Variants in COL10A1 observed in about 807,000 individuals in gnomAD.
The protein encoded by COL10A1 is collagen alpha-1(X) chain.
Under a neutral mutation model 18.2 loss-of-function variants are expected in COL10A1, and 10 were observed. The observed-to-expected ratio is 0.55, with a 90% confidence interval of 0.34 to 0.93. The LOEUF (loss-of-function observed/expected upper bound fraction) is 0.93, where lower values mean the gene tolerates loss of function less well. Ranked by LOEUF, COL10A1 falls within the 40% of genes least tolerant of loss-of-function variation. The probability of loss-of-function intolerance (pLI) is 0.02; values close to 1 mark genes in which losing one functional copy is unlikely to be tolerated. For missense variants in COL10A1, 897 were observed against 853.5 expected, an observed-to-expected ratio of 1.05 and a Z score of -0.64; for synonymous variants, 330 against 316.6, an observed-to-expected ratio of 1.04 and a Z score of -0.45.
At chr6:116,215,495 T>C in the COL10A1 span, among the ~76,000 whole-genome samples, 1 of 152,106 alleles carries the variant, frequency 6.6e-6, no homozygotes, top group Non-Finnish European at 1.5e-5. Context: ...CCTTGTCGAC[T>C]TTACAGCCTG....
intron 1 of COL10A1, chr6:116,125,721 G>A: frequency 2.7e-6 from 1 of 376,314 alleles, no homozygotes; most frequent in South Asian, 3.3e-5. Context: ...GTAATCAAGT[G>A]AAAATAAAAT....
the COL10A1 span, among the ~76,000 whole-genome samples, chr6:116,200,572 G>C: frequency 6.6e-6 from 1 of 152,020 alleles, no homozygotes; most frequent in South Asian, 2.1e-4. Flanking sequence ...AAAAAGCATA[G>C]CTAAATAAAG....
At chr6:116,186,115 C>T in the COL10A1 span, among the ~76,000 whole-genome samples, 3 of 151,908 alleles carry the variant, frequency 2.0e-5, no homozygotes, top group East Asian at 5.8e-4. Context: ...CTGTGTCTTC[C>T]CTTCATTTAT....
the COL10A1 span, among the ~76,000 whole-genome samples, chr6:116,204,057 A>G: frequency 1.4e-4 from 21 of 151,876 alleles, no homozygotes; most frequent in Admixed American, 1.2e-3. Context: ...CCTCTGACCC[A>G]GCTCACTTTG....
chr6:116,204,179 T>C, the COL10A1 span, among the ~76,000 whole-genome samples: 1 of 151,952 alleles, frequency 6.6e-6, no homozygotes, highest in South Asian at 2.1e-4. Flanking sequence ...CTTCAGGAGT[T>C]AATACCACCG....
chr6:116,152,409 A>G (rs1194532604), intron 1 of COL10A1, among the ~76,000 whole-genome samples: 1 of 151,658 alleles, frequency 6.6e-6, no homozygotes, highest in African/African-American at 2.4e-5. Context: ...CAAAAATAAG[A>G]AAAAAAAATT....
chr6:116,142,548 A>G (rs987650975), intron 1 of COL10A1, among the ~76,000 whole-genome samples: 15 of 152,142 alleles, frequency 9.9e-5, no homozygotes, highest in Admixed American at 9.8e-4. Context: ...ATAAACATAT[A>G]CAGGAAAATA....
At chr6:116,137,420 C>A in intron 1 of COL10A1, 1 of 157,728 alleles carries the variant, frequency 6.3e-6, no homozygotes. Flanking sequence ...GTGCCAGCTT[C>A]AGAATCTTCT....
chr6:116,171,005 A>G, the COL10A1 span, among the ~76,000 whole-genome samples: 1 of 151,174 alleles, frequency 6.6e-6, no homozygotes, highest in Non-Finnish European at 1.5e-5. Context: ...GCCTGTTACC[A>G]CCCTACCACG....
Position 116,125,349 on chromosome 6 carries a change from T to C in COL10A1, c.144A>G (p.Ile48Met). 6.2e-7 allele frequency: 1 copy of C among 1,613,656 alleles called. No individual in the cohort carries two copies. Among genetic ancestry groups the C allele is most frequent in the Non-Finnish European group, 8.5e-7 (1 of 1,179,714 alleles). The change falls in exon 2 of 3, where the codon ATA becomes ATG. Residue 48 changes from isoleucine to methionine, a missense_variant. Transcript: ENST00000651968. Reference protein sequence around the residue: ...TKTQFFIPYTIKSKGIAVRGE... With the variant: ...TKTQFFIPYTMKSKGIAVRGE... The stretch of plus-strand genomic sequence containing the variant: ...TACAATTCAATTTACCTTTACTCTT[T>C]ATGGTGTAGGGAATGAAGAACTGTG...
At position 116,121,101 on chromosome 6, in the gene COL10A1, G is replaced by C. The variant is rs761027927; in HGVS notation, c.1015C>G (p.Pro339Ala). 2.2e-5 allele frequency: 35 copies of C among 1,613,866 alleles called. No homozygotes were observed. The highest frequency in any genetic ancestry group is 3.0e-5 in the Non-Finnish European group (35 of 1,179,900). ...GLPGKPGLTG[P>A]PGNMGPQGPK... Reference sequence around the variant, plus strand: ...CCTTGGGGTCCCATATTCCCAGGGGGTCCAGTCAGACCTGGCTTCCCAGGA... The same window carrying C: ...CCTTGGGGTCCCATATTCCCAGGGGCTCCAGTCAGACCTGGCTTCCCAGGA... Residue 339 changes from proline (P) to alanine (A), a missense_variant, in exon 3 of 3, where the codon CCC becomes GCC. Pro to Ala is a conservative substitution (Grantham distance 27). Coordinates refer to ENST00000651968, the MANE Select transcript of COL10A1 (RefSeq NM_000493.4).
At chr6:116,206,537 C>G in the COL10A1 span, among the ~76,000 whole-genome samples, 2 of 151,918 alleles carry the variant, frequency 1.3e-5, no homozygotes, top group Non-Finnish European at 2.9e-5. Flanking sequence ...TGTGTCTACT[C>G]TGGTACAGAA....
chr6:116,139,003 T>C (rs1779695726), intron 1 of COL10A1, among the ~76,000 whole-genome samples: 1 of 152,136 alleles, frequency 6.6e-6, no homozygotes, highest in Non-Finnish European at 1.5e-5. Flanking sequence ...TTTTTCAGAT[T>C]AATTTAGTAA....
intron 1 of COL10A1, among the ~76,000 whole-genome samples, chr6:116,154,903 G>A (rs1780145662): frequency 2.6e-5 from 4 of 151,922 alleles, no homozygotes; most frequent in Admixed American, 2.6e-4. Context: ...TTCTTCATAA[G>A]ATAAAAATAA....
the COL10A1 span, among the ~76,000 whole-genome samples, chr6:116,214,117 G>T: frequency 6.6e-6 from 1 of 152,002 alleles, no homozygotes; most frequent in Non-Finnish European, 1.5e-5. Context: ...GATACTGTAA[G>T]TGGCAAACCA....
chr6:116,121,408 A>G lies in COL10A1; in HGVS notation c.708T>C (p.Asp236=), dbSNP rs768444506. The G allele has an allele frequency of 1.2e-6, 2 of 1,613,726 alleles. No homozygotes were observed. The highest frequency in any genetic ancestry group is 1.1e-5 in the South Asian group (1 of 91,050). The change falls in exon 3 of 3, where the codon GAT becomes GAC. Residue 236 remains aspartate (D), a synonymous_variant. Coordinates refer to ENST00000651968, the MANE Select transcript of COL10A1 (RefSeq NM_000493.4). ...GVPGQPGIKG[D]RGFPGEMGPI... Reference sequence around the variant, plus strand: ...GTCCCATTTCTCCCGGAAAACCTCTATCACCTTTGATGCCTGGCTGTCCTG... The same window carrying G: ...GTCCCATTTCTCCCGGAAAACCTCTGTCACCTTTGATGCCTGGCTGTCCTG...
rs1436011097 is a variant in COL10A1, at chr6:116,120,588, G to T, written c.1528C>A (p.Pro510Thr). Residue 510 changes from proline to threonine, a missense_variant, in exon 3 of 3, where the codon CCT (proline) becomes ACT (threonine). Coordinates refer to ENST00000651968, the MANE Select transcript of COL10A1 (RefSeq NM_000493.4). ...HSGEPGLPGPPGPPGPPGQAV... is the reference protein window; with the variant it reads ...HSGEPGLPGPTGPPGPPGQAV... ...TGACCTGGTGGGCCTGGAGGCCCAG[G>T]GGGCCCTGGAAGACCAGGCTCTCCA... 7 of 1,591,656 alleles carry T rather than the reference G, an allele frequency of 4.4e-6. No individual in the cohort carries two copies. Among genetic ancestry groups the T allele is most frequent in the Non-Finnish European group, 4.3e-6 (5 of 1,171,362 alleles).
the COL10A1 span, among the ~76,000 whole-genome samples, chr6:116,184,964 T>G: frequency 4.6e-5 from 7 of 152,172 alleles, no homozygotes; most frequent in African/African-American, 1.7e-4. Flanking sequence ...GAGTGTGACC[T>G]TAGATTGTCT....
chr6:116,133,130 C>T (rs1779509802), intron 1 of COL10A1, among the ~76,000 whole-genome samples: 1 of 152,188 alleles, frequency 6.6e-6, no homozygotes, highest in South Asian at 2.1e-4. Context: ...ACTTGAAGAG[C>T]TCATAGTTTC....
Sources: gnomAD v4.1 joint callset for allele counts (sites outside exome capture counted in the v4.1 genomes callset) on GRCh38, gnomAD v4.1.1 for gene constraint, MANE v1.5 for transcripts, NCBI Gene and HGNC (gene_info 2026-07-23, HGNC 2026-07-21) for gene names.